IQCH: variants seen among roughly 807,000 people sequenced by gnomAD.
IQCH encodes the protein IQ motif containing H.
IQCH carries 98 observed loss-of-function variants against 117.0 expected under a neutral mutation model. That is an observed-to-expected ratio of 0.84 (90% CI 0.71 to 0.99). The LOEUF is 0.99. IQCH is among the 50% of genes least tolerant of loss of function. The probability of loss-of-function intolerance (pLI) is 0.00; values close to 1 mark genes in which losing one functional copy is unlikely to be tolerated. For missense variants in IQCH, 1,102 were observed against 1,243.8 expected (o/e 0.89, Z 1.72); for synonymous variants, 412 against 448.2 (o/e 0.92, Z 1.02).
intron 16 of IQCH, among the ~76,000 whole-genome samples, chr15:67,429,901 A>G (rs996127426): frequency 4.6e-5 from 7 of 152,254 alleles, no homozygotes; most frequent in African/African-American, 1.7e-4. Context: ...ATGAGGTTCT[A>G]GCAGAATAGA....
chr15:67,464,995 A>G lies in IQCH; in HGVS notation c.2506-132A>G, dbSNP rs577398517. 4.4e-4 allele frequency: 325 copies of G among 734,378 alleles called. 1 individual carries two copies. The African/African-American group carries it at 5.4e-3, about 12-fold the overall frequency. The allele number at this position is 734,378 out of a possible 1,614,324, so 45.5% of individuals were successfully genotyped here. The stretch of plus-strand genomic sequence containing the variant: ...ACAATGTACAAACAGAAGGAAAAAC[A>G]TCTACTCCATTAAGACACATGGTCA... On this transcript the variant is annotated intron_variant, in intron 16 of 20. Transcript: ENST00000335894.
intron 4 of IQCH, among the ~76,000 whole-genome samples, chr15:67,294,264 C>G (rs997738926): frequency 1.3e-5 from 2 of 152,158 alleles, no homozygotes; most frequent in Non-Finnish European, 2.9e-5. Context: ...GTCTTATTGT[C>G]TTTTCCTTCT....
chr15:67,306,920 A>C, intron 4 of IQCH: 1 of 1,439,124 alleles, frequency 6.9e-7, no homozygotes, highest in Non-Finnish European at 9.2e-7. Flanking sequence ...TTATAATACA[A>C]CACATTAAGA....
intron 4 of IQCH, among the ~76,000 whole-genome samples, chr15:67,281,310 AT>A (rs36078679): frequency 0.23 from 35,127 of 152,102 alleles, 4,540 homozygotes; most frequent in East Asian, 0.48. Context: ...AGATTGATTA[AT>A]TAGGAGAAAA....
At chr15:67,289,462 G>C (rs898354734) in intron 4 of IQCH, among the ~76,000 whole-genome samples, 3 of 152,088 alleles carry the variant, frequency 2.0e-5, no homozygotes, top group African/African-American at 7.2e-5. Flanking sequence ...AAAAGAGAAT[G>C]AGAGAGTAAG....
At position 67,359,027 on chromosome 15, in the gene IQCH, C is replaced by T. The variant is rs1231536900; in HGVS notation, c.715-820C>T. ...ATCCCAAGACAGACAGGCCTTCAGGCGAGTGTTTGGCCTGCACCATTATTG... is the reference window on the plus strand; with the variant it reads ...ATCCCAAGACAGACAGGCCTTCAGGTGAGTGTTTGGCCTGCACCATTATTG... On this transcript the variant is annotated intron_variant, in intron 7 of 20. Transcript: ENST00000335894. The surrounding 1 kb of genome is among the most constrained non-coding windows in gnomAD (Gnocchi z 4.5). 3.9e-5 allele frequency among the ~76,000 whole-genome samples: 6 copies of T among 152,122 alleles called. No homozygotes were observed. Among genetic ancestry groups the T allele is most frequent in the Non-Finnish European group, 8.8e-5 (6 of 68,034 alleles).
chr15:67,497,589 G>A (rs768544437), intron 20 of IQCH, among the ~76,000 whole-genome samples: 2 of 152,110 alleles, frequency 1.3e-5, no homozygotes, highest in South Asian at 2.1e-4. Flanking sequence ...TGCCTTCTGG[G>A]TTCAAGCAAT....
At position 67,454,095 on chromosome 15, in the gene IQCH, T is replaced by C. The variant is rs1289175179; in HGVS notation, c.2506-11032T>C. ...CCGTTGGAAAAGCGCAGTATTAGGG[T>C]GGGAGTGACCCGATTTTCCAGGTGC... On this transcript the variant is annotated intron_variant, in intron 16 of 20. Coordinates refer to ENST00000335894, the MANE Select transcript of IQCH (RefSeq NM_001031715.3). The surrounding 1 kb of genome is among the most constrained non-coding windows in gnomAD (Gnocchi z 5.2). 1.3e-5 allele frequency among the ~76,000 whole-genome samples: 2 copies of C among 152,180 alleles called. No homozygotes were observed. Among genetic ancestry groups the C allele is most frequent in the African/African-American group, 2.4e-5 (1 of 41,434 alleles).
intron 10 of IQCH, among the ~76,000 whole-genome samples, chr15:67,382,324 C>G (rs1417888945): frequency 2.0e-5 from 3 of 152,216 alleles, no homozygotes; most frequent in Admixed American, 1.3e-4. Context: ...CTGCTTCCCT[C>G]TCCCACTTCT....
rs1260953413 is a variant in IQCH, at chr15:67,463,946, G to A, written c.2506-1181G>A. 6.6e-6 allele frequency among the ~76,000 whole-genome samples: 1 copy of A among 152,100 alleles called. No individual in the cohort carries two copies. Among genetic ancestry groups the A allele is most frequent in the African/African-American group, 2.4e-5 (1 of 41,416 alleles). ...AAACCTCTGCCTCCTGGGTTCAAGC[G>A]ATTCTCGTGCCTCAGCCTCCCAAGT... On this transcript the variant is annotated intron_variant, in intron 16 of 20. Transcript: ENST00000335894. The surrounding 1 kb of genome is among the most constrained non-coding windows in gnomAD (Gnocchi z 4.0).
chr15:67,395,215 G>A lies in IQCH; in HGVS notation c.1633-76G>A, dbSNP rs1971422245. Reference sequence around the variant, plus strand: ...CTGCTATTAATAATGTATTTATTATGTGCAACATTATAAATTAGGTGTATG... The same window carrying A: ...CTGCTATTAATAATGTATTTATTATATGCAACATTATAAATTAGGTGTATG... On this transcript the variant is annotated intron_variant, in intron 12 of 20. Coordinates refer to ENST00000335894, the MANE Select transcript of IQCH (RefSeq NM_001031715.3). The surrounding 1 kb of genome is among the most constrained non-coding windows in gnomAD (Gnocchi z 4.0). 7.0e-7 allele frequency: 1 copy of A among 1,421,658 alleles called. No homozygotes were observed. The highest frequency in any genetic ancestry group is 1.3e-5 in the South Asian group (1 of 76,730). The allele number at this position is 1,421,658 out of a possible 1,614,324, so 88.1% of individuals were successfully genotyped here.
chr15:67,416,254 ATG>A lies in IQCH; in HGVS notation c.2098-676_2098-675del, dbSNP rs1449972324. Among the ~76,000 whole-genome samples the A allele has an allele frequency of 2.6e-5, 4 of 152,132 alleles. No homozygotes were observed. Among genetic ancestry groups the A allele is most frequent in the Admixed American group, 6.5e-5 (1 of 15,276 alleles). ...AAAATTAGGCTGGGCACAGTGGCTCATGCCTGTAATCCCAGCACTTTGGGAGG... is the reference window on the plus strand; with the variant it reads ...AAAATTAGGCTGGGCACAGTGGCTCACCTGTAATCCCAGCACTTTGGGAGG... On this transcript the variant is annotated intron_variant, in intron 14 of 20. Transcript: ENST00000335894. The surrounding 1 kb of genome is among the most constrained non-coding windows in gnomAD (Gnocchi z 5.1).
rs911097011 is a variant in IQCH, at chr15:67,490,625, C to T, written c.2861+561C>T. Among the ~76,000 whole-genome samples, 1 of 152,210 alleles carries T rather than the reference C, an allele frequency of 6.6e-6. No individual in the cohort carries two copies. The highest frequency in any genetic ancestry group is 2.4e-5 in the African/African-American group (1 of 41,458). ...AACATATTATACCCAAATGCATACACAGATAAGGCACATCAGATCTCACTG... is the reference window on the plus strand; with the variant it reads ...AACATATTATACCCAAATGCATACATAGATAAGGCACATCAGATCTCACTG... On this transcript the variant is annotated intron_variant, in intron 19 of 20. Coordinates refer to ENST00000335894, the MANE Select transcript of IQCH (RefSeq NM_001031715.3). The surrounding 1 kb of genome is among the most constrained non-coding windows in gnomAD (Gnocchi z 4.9).
rs550996990 is a variant in IQCH at position 67,328,680 on chromosome 15, T to C, written c.388-8295T>C. ...GCTCAGGTCTTACTGATAATATGTA[T>C]AATTTATGACTTAAAATCAATACTT... is the stretch of plus-strand genomic sequence containing the variant. On this transcript the variant is annotated intron_variant, in intron 4 of 20. Transcript: ENST00000335894. 2.0e-5 allele frequency among the ~76,000 whole-genome samples: 3 copies of C among 152,324 alleles called. No individual in the cohort carries two copies. In the South Asian group the frequency reaches 6.2e-4, roughly 32 times the overall value.
intron 16 of IQCH, among the ~76,000 whole-genome samples, chr15:67,450,176 A>T (rs2082487799): frequency 6.6e-6 from 1 of 152,164 alleles, no homozygotes; most frequent in African/African-American, 2.4e-5. Flanking sequence ...AAACAGGGAC[A>T]ATTTGACTTC....
At chr15:67,442,829 T>TAGAC (rs2082304783) in intron 16 of IQCH, among the ~76,000 whole-genome samples, 1 of 134,800 alleles carries the variant, frequency 7.4e-6, no homozygotes, top group East Asian at 2.1e-4. Context: ...GATAGATAGA[T>TAGAC]AGATAGATAG....
chr15:67,355,309 G>A (rs1423703975), intron 6 of IQCH, among the ~76,000 whole-genome samples: 2 of 152,010 alleles, frequency 1.3e-5, no homozygotes, highest in Non-Finnish European at 2.9e-5. Context: ...ATAACTGGCC[G>A]GGCGCGGTGG....
At chr15:67,285,344 C>A (rs1002012324) in intron 4 of IQCH, among the ~76,000 whole-genome samples, 4 of 151,460 alleles carry the variant, frequency 2.6e-5, no homozygotes, top group Admixed American at 6.6e-5. Flanking sequence ...ACAGATGCAT[C>A]CTTTGTCGGT....
At chr15:67,429,338 AC>A (rs2081968178) in intron 16 of IQCH, among the ~76,000 whole-genome samples, 1 of 152,088 alleles carries the variant, frequency 6.6e-6, no homozygotes, top group Non-Finnish European at 1.5e-5. Context: ...ACATAGCAAA[AC>A]CCTTGTCTCT....
Sources: allele counts gnomAD v4.1 joint callset (sites outside exome capture counted in the v4.1 genomes callset), GRCh38; gene constraint gnomAD v4.1.1; non-coding constraint Gnocchi (gnomAD v3.1); transcripts MANE v1.5; gene names NCBI Gene and HGNC (gene_info 2026-07-23, HGNC 2026-07-21).